Variants in KIF1B observed in about 807,000 individuals in gnomAD.
KIF1B encodes kinesin-like protein KIF1B.
A neutral mutation model predicts 241.9 loss-of-function variants in KIF1B; 76 were observed. The ratio of observed to expected loss-of-function variants is 0.31; its 90% confidence interval spans 0.26 to 0.38. The LOEUF (loss-of-function observed/expected upper bound fraction) is 0.38, where lower values mean the gene tolerates loss of function less well. Ranked by LOEUF, KIF1B falls within the 10% of genes least tolerant of loss-of-function variation. The pLI is 1.00. For missense variants in KIF1B, 1,622 were observed against 2,271.4 expected (o/e 0.71, Z 5.81); for synonymous variants, 750 against 796.7 (o/e 0.94, Z 0.99).
chr1:10,306,749 C>T (rs1650847640), intron 22 of KIF1B: 1 of 847,178 alleles, frequency 1.2e-6, no homozygotes. Context: ...AGAGTGAGAA[C>T]CTGTCTTTAA....
intron 2 of KIF1B, among the ~76,000 whole-genome samples, chr1:10,244,080 T>C (rs1435301114): frequency 6.6e-6 from 1 of 152,158 alleles, no homozygotes; most frequent in Non-Finnish European, 1.5e-5. Context: ...AGTGAATATG[T>C]ATAGTACATT....
Position 10,268,181 on chromosome 1 carries a change from C to T in KIF1B, c.638C>T (p.Thr213Ile). ...GTGGCAGCTACAAACATGAATGAAA[C>T]AAGTAGCCGTTCCCACGCTGTGTTT... is the stretch of plus-strand genomic sequence containing the variant. Reference protein sequence around the residue: ...RTVAATNMNETSSRSHAVFTI... With the variant: ...RTVAATNMNEISSRSHAVFTI... Residue 213 changes from threonine (T) to isoleucine (I), a missense_variant, in exon 7 of 49, where the codon ACA becomes ATA. Physicochemically the swap from Thr to Ile is moderately conservative, Grantham distance 89 (BLOSUM62 -1). This residue lies in a region of KIF1B where 4 missense variants were observed against 26.8 expected (regional missense o/e 0.15). Transcript: ENST00000676179. The T allele has an allele frequency of 6.2e-7, 1 of 1,613,822 alleles. No homozygotes were observed.
At chr1:10,366,600 A>G (rs962462916) in intron 43 of KIF1B, among the ~76,000 whole-genome samples, 1 of 152,240 alleles carries the variant, frequency 6.6e-6, no homozygotes, top group East Asian at 1.9e-4. Context: ...GGAGTGAAGA[A>G]TCTTGTATAC....
chr1:10,252,406 T>TGTTGTG (rs1647506931), intron 2 of KIF1B, among the ~76,000 whole-genome samples: 1 of 151,612 alleles, frequency 6.6e-6, no homozygotes, highest in South Asian at 2.1e-4. Context: ...TTGTTGTTGT[T>TGTTGTG]GTTGTTGTTG....
chr1:10,296,841 A>G, intron 20 of KIF1B, 56 bp from the exon 21 acceptor site: 1 of 1,498,948 alleles, frequency 6.7e-7, no homozygotes, highest in Non-Finnish European at 9.2e-7. Context: ...GTTGTTAAAT[A>G]GATACTATAT....
intron 9 of KIF1B, chr1:10,272,550 G>A (rs1648857938): frequency 3.6e-6 from 2 of 563,070 alleles, no homozygotes; most frequent in South Asian, 1.8e-5. Context: ...AAACACTGAA[G>A]GTTTGACTCA....
At chr1:10,217,620 C>T (rs965874280) in intron 1 of KIF1B, among the ~76,000 whole-genome samples, 1 of 152,026 alleles carries the variant, frequency 6.6e-6, no homozygotes, top group African/African-American at 2.4e-5. Flanking sequence ...CCCAGCTGCT[C>T]TTACTCTTTC....
rs1348263939 is a variant in KIF1B at position 10,261,986 on chromosome 1, A to G, written c.429+16A>G. On this transcript the variant is annotated intron_variant, in intron 5 of 48. Coordinates refer to ENST00000676179, the MANE Select transcript of KIF1B (RefSeq NM_001365951.3). Reference sequence around the variant, plus strand: ...CTCTGTAGAGGTGAGTACAGCCGTGAGTTGACACCGTAAGCCCTTGTTTTC... The same window carrying G: ...CTCTGTAGAGGTGAGTACAGCCGTGGGTTGACACCGTAAGCCCTTGTTTTC... The G allele has an allele frequency of 6.4e-7, 1 of 1,572,336 alleles. No individual in the cohort carries two copies. Among genetic ancestry groups the G allele is most frequent in the Non-Finnish European group, 8.8e-7 (1 of 1,141,894 alleles).
chr1:10,305,553 C>T, intron 22 of KIF1B: 1 of 1,059,274 alleles, frequency 9.4e-7, no homozygotes. Flanking sequence ...CAGCATATGG[C>T]TCTGTGGTGC....
At chr1:10,235,862 C>CAAAAAAAAAAAAAAAAAA in intron 2 of KIF1B, among the ~76,000 whole-genome samples, 1 of 70,380 alleles carries the variant, frequency 1.4e-5, no homozygotes, top group Non-Finnish European at 2.7e-5. Context: ...AACACTGTCT[C>CAAAAAAAAAAAAAAAAAA]AAAAAAAAAA....
At chr1:10,338,011 TTTC>T (rs1652246168) in intron 31 of KIF1B, among the ~76,000 whole-genome samples, 1 of 152,216 alleles carries the variant, frequency 6.6e-6, no homozygotes, top group Admixed American at 6.5e-5. Context: ...ATACCTCTCA[TTTC>T]TCATCTACAT....
chr1:10,258,205 T>C lies in KIF1B; in HGVS notation c.184-288T>C, dbSNP rs918577100. Among the ~76,000 whole-genome samples the C allele has an allele frequency of 3.9e-5, 6 of 152,356 alleles. No homozygotes were observed. The East Asian group carries it at 1.2e-3, about 29-fold the overall frequency. Reference sequence around the variant, plus strand: ...TGTGTGAATGAAAGAGTGATACTTTTAAGGTTATAGAAAGTGAAATGTAAT... The same window carrying C: ...TGTGTGAATGAAAGAGTGATACTTTCAAGGTTATAGAAAGTGAAATGTAAT... On this transcript the variant is annotated intron_variant, in intron 3 of 48. Coordinates refer to ENST00000676179, the MANE Select transcript of KIF1B (RefSeq NM_001365951.3).
intron 15 of KIF1B, among the ~76,000 whole-genome samples, chr1:10,289,707 A>G (rs1261095560): frequency 6.6e-6 from 1 of 152,162 alleles, no homozygotes; most frequent in Non-Finnish European, 1.5e-5. Flanking sequence ...AATATGGTGA[A>G]ACCTCATATC....
chr1:10,258,817 CAGA>C (rs944639797), intron 4 of KIF1B, 145 bp downstream of exon 4: 6 of 795,236 alleles, frequency 7.5e-6, no homozygotes, highest in African/African-American at 6.8e-5. Flanking sequence ...TATTTTCCCT[CAGA>C]GGAGCTCACA....
chr1:10,269,543 G>A (rs1269833527), intron 7 of KIF1B, among the ~76,000 whole-genome samples: 2 of 151,422 alleles, frequency 1.3e-5, no homozygotes, highest in Non-Finnish European at 2.9e-5. Flanking sequence ...ACTCCTACTG[G>A]GCATGGTGGC....
At chr1:10,320,193 A>G in intron 23 of KIF1B, 57 bp downstream of exon 23, 4 of 1,210,430 alleles carry the variant, frequency 3.3e-6, no homozygotes, top group Non-Finnish European at 4.9e-6. Context: ...TATATTATCA[A>G]ATTAGTCATT....
chr1:10,262,016 C>G (rs1648178510), intron 5 of KIF1B, 46 bp downstream of exon 5: 2 of 1,289,146 alleles, frequency 1.6e-6, no homozygotes, highest in Non-Finnish European at 2.3e-6. Flanking sequence ...GTTTTCCATT[C>G]TCTCAAGCAT....
In KIF1B at chr1:10,337,588, C is replaced by G; in HGVS notation, c.3422+55C>G. On this transcript the variant is annotated intron_variant, in intron 31 of 48. Coordinates refer to ENST00000676179, the MANE Select transcript of KIF1B (RefSeq NM_001365951.3). The surrounding 1 kb of genome is among the most constrained non-coding windows in gnomAD (Gnocchi z 4.0). ...CTAGCTGCTAACCGAGGTGACATCT[C>G]TTGTGCACTGTAGAGTGCTTTACAT... 2 of 1,588,596 alleles carry G rather than the reference C, an allele frequency of 1.3e-6. 1 individual carries two copies. Among genetic ancestry groups the G allele is most frequent in the South Asian group, 2.2e-5 (2 of 90,488 alleles).
At chr1:10,319,803 A>T (rs1315392757) in intron 22 of KIF1B, among the ~76,000 whole-genome samples, 2 of 152,318 alleles carry the variant, frequency 1.3e-5, no homozygotes, top group South Asian at 4.1e-4. Context: ...TTGAGGGAGT[A>T]GAAACATACT....
Sources: allele counts gnomAD v4.1 joint callset (sites outside exome capture counted in the v4.1 genomes callset), GRCh38; gene constraint gnomAD v4.1.1; regional missense constraint gnomAD v4.1.1; non-coding constraint Gnocchi (gnomAD v3.1); transcripts MANE v1.5; gene names NCBI Gene and HGNC (gene_info 2026-07-23, HGNC 2026-07-21).